ABCB1: variants seen among roughly 807,000 people sequenced by gnomAD.
ABCB1 encodes ATP-dependent translocase ABCB1.
In ABCB1, 69 loss-of-function variants were observed where a neutral mutation model predicts 142.0. The ratio of observed to expected loss-of-function variants is 0.49; its 90% CI spans 0.40 to 0.59. The LOEUF is 0.59. Among genes scored for constraint, ABCB1 ranks in the 20% least tolerant of loss-of-function variants. The pLI is 0.00. For missense variants in ABCB1, 1,326 were observed against 1,554.7 expected (o/e 0.85, Z 2.47); for synonymous variants, 532 against 539.2 (o/e 0.99, Z 0.18).
intron 3 of ABCB1, among the ~76,000 whole-genome samples, chr7:87,589,837 G>GAGAGAGAGAGAGAGAGAGAGAGAGA (rs1818919970): frequency 3.5e-5 from 3 of 84,990 alleles, no homozygotes; most frequent in African/African-American, 2.3e-4. Flanking sequence ...AGAGAGAGAG[G>GAGAGAGAGAGAGAGAGAGAGAGAGA]GAGAGAGGGA....
chr7:87,685,176 C>A (rs1399048554), intron 1 of ABCB1, among the ~76,000 whole-genome samples: 1 of 151,990 alleles, frequency 6.6e-6, no homozygotes, highest in African/African-American at 2.4e-5. Context: ...AAAATATTTG[C>A]AAATCACATG....
intron 3 of ABCB1, among the ~76,000 whole-genome samples, chr7:87,587,442 A>G (rs1463804395): frequency 1.3e-5 from 2 of 152,250 alleles, no homozygotes; most frequent in Non-Finnish European, 1.5e-5. Context: ...AGAAAAATGT[A>G]TATGCAATAC....
chr7:87,656,673 T>C (rs919091486), intron 1 of ABCB1, among the ~76,000 whole-genome samples: 2 of 152,124 alleles, frequency 1.3e-5, no homozygotes, highest in African/African-American at 4.8e-5. Context: ...GTAGACTTAA[T>C]TGATAGTTTA....
At chr7:87,680,119 A>T (rs74817820) in intron 1 of ABCB1, among the ~76,000 whole-genome samples, 6 of 150,350 alleles carry the variant, frequency 4.0e-5, no homozygotes, top group Non-Finnish European at 8.8e-5. Context: ...GAGTGAGAAC[A>T]TGCAGTGTTT....
chr7:87,562,177 G>A (rs904163329), intron 7 of ABCB1, among the ~76,000 whole-genome samples: 2 of 152,180 alleles, frequency 1.3e-5, no homozygotes, highest in African/African-American at 4.8e-5. Context: ...TCCCTTTCCT[G>A]TGTGTGAAAG....
intron 2 of ABCB1, among the ~76,000 whole-genome samples, chr7:87,596,130 T>C (rs1455878032): frequency 6.6e-6 from 1 of 152,000 alleles, no homozygotes; most frequent in East Asian, 1.9e-4. Flanking sequence ...ATTAGAAAAA[T>C]ATACATACTG....
rs766867299 is a variant in ABCB1 at position 87,539,282 on chromosome 7, A to G, written c.2383T>C (p.Ser795Pro). 1 of 1,614,124 alleles carries G rather than the reference A, an allele frequency of 6.2e-7. No individual in the cohort carries two copies. Among genetic ancestry groups the G allele is most frequent in the Non-Finnish European group, 8.5e-7 (1 of 1,179,996 alleles). ...TKRLRYMVFRSMLRQDVSWFD... is the reference protein window; with the variant it reads ...TKRLRYMVFRPMLRQDVSWFD... Reference sequence around the variant, plus strand: ...GATAGACATACCTGTCTGAGCATGGATCGGAAAACCATGTATCGGAGCCGC... The same window carrying G: ...GATAGACATACCTGTCTGAGCATGGGTCGGAAAACCATGTATCGGAGCCGC... Residue 795 changes from serine to proline, a missense_variant, in exon 19 of 28, where the codon TCC (serine) becomes CCC (proline). Coordinates refer to ENST00000622132, the MANE Select transcript of ABCB1 (RefSeq NM_001348946.2).
In ABCB1 at chr7:87,539,311, G is replaced by C. The variant is rs1220754414; in HGVS notation, c.2354C>G (p.Thr785Ser). The C allele has an allele frequency of 6.2e-7, 1 of 1,614,040 alleles. No homozygotes were observed. Among genetic ancestry groups the C allele is most frequent in the Non-Finnish European group, 8.5e-7 (1 of 1,179,992 alleles). Reference protein sequence around the residue: ...FTFGKAGEILTKRLRYMVFRS... With the variant: ...FTFGKAGEILSKRLRYMVFRS... ...GAAAACCATGTATCGGAGCCGCTTGGTGAGGATCTCTCCAGCTTTGCCAAA... is the reference window on the plus strand; with the variant it reads ...GAAAACCATGTATCGGAGCCGCTTGCTGAGGATCTCTCCAGCTTTGCCAAA... Residue 785 changes from threonine to serine, a missense_variant, in exon 19 of 28, where the codon ACC becomes AGC. Transcript: ENST00000622132.
At chr7:87,605,377 A>G (rs1309897963), upstream of ABCB1, among the ~76,000 whole-genome samples, 3 of 152,018 alleles carry the variant, frequency 2.0e-5, no homozygotes, top group Non-Finnish European at 2.9e-5. Flanking sequence ...CAAGTGATCC[A>G]CCCACCTCAG....
At chr7:87,546,405 A>G (rs983842436) in intron 14 of ABCB1, among the ~76,000 whole-genome samples, 3 of 151,982 alleles carry the variant, frequency 2.0e-5, no homozygotes, top group East Asian at 1.9e-4. Flanking sequence ...TGGCTAACAC[A>G]GTGAAACCCC....
chr7:87,504,995 C>T (rs1194354129), intron 27 of ABCB1, among the ~76,000 whole-genome samples: 1 of 151,994 alleles, frequency 6.6e-6, no homozygotes, highest in Non-Finnish European at 1.5e-5. Context: ...AACAGGGCCT[C>T]ACTCTGTCAC....
At chr7:87,585,410 A>G (rs1818700438) in intron 4 of ABCB1, 102 bp downstream of exon 4, 1 of 1,205,264 alleles carries the variant, frequency 8.3e-7, no homozygotes, top group Admixed American at 1.9e-5. Context: ...CTACAGGACT[A>G]AACACACTAA....
chr7:87,703,914 G>GTTTTTTTTT (rs35797972), intron 1 of ABCB1, among the ~76,000 whole-genome samples: 275 of 42,978 alleles, frequency 6.4e-3, no homozygotes, highest in Middle Eastern at 0.022. Context: ...TTTTTTTTTG[G>GTTTTTTTTT]TTTTTTTTTT....
chr7:87,628,208 G>C (rs2130153684), intron 1 of ABCB1, among the ~76,000 whole-genome samples: 1 of 152,330 alleles, frequency 6.6e-6, no homozygotes. Context: ...GCGGCAGCTA[G>C]CGGGCTGCGA....
rs180822282 is a variant in ABCB1, at chr7:87,575,128, A to T, written c.287-4905T>A. Among the ~76,000 whole-genome samples, 4 of 152,312 alleles carry T rather than the reference A, an allele frequency of 2.6e-5. No homozygotes were observed. In the East Asian group the frequency reaches 7.7e-4, roughly 29 times the overall value. The stretch of plus-strand genomic sequence containing the variant: ...AAAGCCTTTTCTAAACCCAAGCAAG[A>T]CTTTAAAGGATAAGACTGTACCATT... On this transcript the variant is annotated intron_variant, in intron 4 of 27. Transcript: ENST00000622132.
intron 1 of ABCB1, among the ~76,000 whole-genome samples, chr7:87,702,649 T>C (rs10278483): frequency 0.05 from 7,615 of 152,206 alleles, 279 homozygotes; most frequent in East Asian, 0.098. Context: ...TTGGTAGATA[T>C]AGCCTACATA....
At chr7:87,593,449 T>C (rs1819076194) in intron 3 of ABCB1, among the ~76,000 whole-genome samples, 2 of 152,330 alleles carry the variant, frequency 1.3e-5, no homozygotes, top group South Asian at 4.1e-4. Context: ...ATAGTGGAAA[T>C]AAATTAACAG....
At chr7:87,693,375 A>C (rs1367816201) in intron 1 of ABCB1, among the ~76,000 whole-genome samples, 1 of 152,190 alleles carries the variant, frequency 6.6e-6, no homozygotes, top group Non-Finnish European at 1.5e-5. Context: ...AACAATTCTT[A>C]GGCAAAAAAT....
chr7:87,587,501 G>A lies in ABCB1; in HGVS notation c.118-1821C>T, dbSNP rs17327624. Reference sequence around the variant, plus strand: ...CAGTGTATAGAATAGACACAAAACTGAGTCAATCATCATTCCCTCCTTTGT... The same window carrying A: ...CAGTGTATAGAATAGACACAAAACTAAGTCAATCATCATTCCCTCCTTTGT... On this transcript the variant is annotated intron_variant, in intron 3 of 27. Transcript: ENST00000622132. Among the ~76,000 whole-genome samples, 11 of 152,168 alleles carry A rather than the reference G, an allele frequency of 7.2e-5. No homozygotes were observed. In the East Asian group the frequency reaches 1.7e-3, roughly 24 times the overall value.
Sources: gnomAD v4.1 joint callset for allele counts (sites outside exome capture counted in the v4.1 genomes callset) on GRCh38, gnomAD v4.1.1 for gene constraint, MANE v1.5 for transcripts, NCBI Gene and HGNC (gene_info 2026-07-23, HGNC 2026-07-21) for gene names.